The following LIN52 variants were observed in gnomAD, a reference collection of about 807,000 sequenced individuals.
LIN52 encodes protein lin-52 homolog.
A neutral mutation model predicts 18.5 loss-of-function variants in LIN52; 4 were observed. The observed-to-expected ratio is 0.22, with a 90% CI of 0.11 to 0.49. LIN52 has a LOEUF of 0.49. LIN52 is among the 20% of genes least tolerant of loss of function. The pLI, the probability that LIN52 is intolerant of heterozygous loss-of-function variation, is 0.97. For synonymous variants in LIN52, 34 were observed against 45.5 expected, an observed-to-expected ratio of 0.75 and a Z score of 1.02; for missense variants, 102 against 139.5, an observed-to-expected ratio of 0.73 and a Z score of 1.35.
chr14:74,085,040 C>T (rs774439188), intron 1 of LIN52, 47 bp downstream of exon 1: 3 of 1,344,020 alleles, frequency 2.2e-6, no homozygotes, highest in Admixed American at 5.9e-5. Context: ...CTTCTTTGCT[C>T]TACTGGGAAC....
Position 74,114,486 on chromosome 14 carries a change from G to A in LIN52, c.283+13248G>A, listed in dbSNP as rs2060951420. 5 of 911,354 alleles carry A rather than the reference G, an allele frequency of 5.5e-6. No homozygotes were observed. The South Asian group carries it at 2.5e-4, about 46-fold the overall frequency. The allele number at this position is 911,354 out of a possible 1,614,324, so 56.5% of individuals were successfully genotyped here. A position where few individuals can be genotyped will look rare whatever the true frequency, so the allele number is the denominator to read the frequency against. ...TCAGATTTGGAATTTTTAGGAGTAG[G>A]TAAATGTCTGGATGGGGATGTTACG... On this transcript the variant is annotated intron_variant, in intron 5 of 5. Coordinates refer to ENST00000555028, the MANE Select transcript of LIN52 (RefSeq NM_001024674.3).
chr14:74,130,277 G>GTTTTTTTTGTTTTTTTTTTT (rs371965343), intron 5 of LIN52, among the ~76,000 whole-genome samples: 2 of 46,426 alleles, frequency 4.3e-5, no homozygotes, highest in Non-Finnish European at 6.9e-5. Flanking sequence ...GGCATTTTTT[G>GTTTTTTTTGTTTTTTTTTTT]GTTTTTTTTT....
At chr14:74,132,586 G>T (rs970400036) in intron 5 of LIN52, among the ~76,000 whole-genome samples, 1 of 152,144 alleles carries the variant, frequency 6.6e-6, no homozygotes, top group Non-Finnish European at 1.5e-5. Context: ...TCAGCTCACT[G>T]CAACCTCCGC....
chr14:74,120,677 C>T (rs2060993813), intron 5 of LIN52, among the ~76,000 whole-genome samples: 1 of 151,776 alleles, frequency 6.6e-6, no homozygotes. Context: ...ATCGCTTGAA[C>T]CTGGGAGGCG....
At chr14:74,183,015 G>C (rs1219111287) in intron 5 of LIN52, among the ~76,000 whole-genome samples, 1 of 151,640 alleles carries the variant, frequency 6.6e-6, no homozygotes, top group Non-Finnish European at 1.5e-5. Flanking sequence ...ATTCTTGGTT[G>C]TATGTAATTT....
intron 5 of LIN52, among the ~76,000 whole-genome samples, chr14:74,193,528 G>T (rs532961931): frequency 2.6e-5 from 4 of 152,134 alleles, no homozygotes; most frequent in Admixed American, 2.6e-4. Context: ...GCTGTTACAT[G>T]TAGGGCAATA....
intron 5 of LIN52, among the ~76,000 whole-genome samples, chr14:74,163,310 C>A (rs529167949): frequency 6.6e-6 from 1 of 152,146 alleles, no homozygotes; most frequent in African/African-American, 2.4e-5. Context: ...AAACTTCTTA[C>A]CTCAAGCAAT....
In LIN52 at chr14:74,176,505, C is replaced by G. The variant is rs2061295296; in HGVS notation, c.284-22417C>G. ...ATAAACCAGTAATATTGCCATCTAT[C>G]ATTATCAAGTATGTACTATACATAA... On this transcript the variant is annotated intron_variant, in intron 5 of 5. Transcript: ENST00000555028. Among the ~76,000 whole-genome samples the G allele has an allele frequency of 2.0e-5, 3 of 152,154 alleles. No individual in the cohort carries two copies. In the South Asian group the frequency reaches 6.2e-4, roughly 32 times the overall value.
At chr14:74,100,115 TTATTA>T (rs1423672377) in intron 4 of LIN52, among the ~76,000 whole-genome samples, 1 of 152,256 alleles carries the variant, frequency 6.6e-6, no homozygotes, top group Non-Finnish European at 1.5e-5. Context: ...TGTTGCCACT[TTATTA>T]TAAGTCGAAA....
intron 5 of LIN52, among the ~76,000 whole-genome samples, chr14:74,117,449 G>A (rs544732726): frequency 2.8e-4 from 42 of 152,092 alleles, no homozygotes; most frequent in Non-Finnish European, 5.4e-4. Flanking sequence ...CTGTTTGGCT[G>A]AGAGGTGAAA....
chr14:74,176,479 C>T (rs1215316034), intron 5 of LIN52, among the ~76,000 whole-genome samples: 2 of 151,952 alleles, frequency 1.3e-5, no homozygotes, highest in Non-Finnish European at 2.9e-5. Flanking sequence ...ATAATAAATA[C>T]ATAAACCAGT....
At chr14:74,130,058 A>C (rs994230556) in intron 5 of LIN52, among the ~76,000 whole-genome samples, 1 of 151,976 alleles carries the variant, frequency 6.6e-6, no homozygotes, top group East Asian at 1.9e-4. Flanking sequence ...TCTCATGCAG[A>C]CCCACTTGCT....
At chr14:74,161,838 A>G (rs1413876974) in intron 5 of LIN52, among the ~76,000 whole-genome samples, 3 of 152,246 alleles carry the variant, frequency 2.0e-5, no homozygotes, top group Non-Finnish European at 2.9e-5. Flanking sequence ...GTCGCTGCAC[A>G]GAAGAGCCAC....
chr14:74,188,562 C>T (rs1469303904), intron 5 of LIN52, among the ~76,000 whole-genome samples: 2 of 151,730 alleles, frequency 1.3e-5, no homozygotes, highest in African/African-American at 4.8e-5. Context: ...ACCCCCGTTT[C>T]CCCCCACACT....
chr14:74,189,569 A>G (rs942372208), intron 5 of LIN52, among the ~76,000 whole-genome samples: 1 of 152,226 alleles, frequency 6.6e-6, no homozygotes. Context: ...GAAGGATGAT[A>G]AGAATACATA....
chr14:74,103,724 G>GA (rs2060876612), intron 5 of LIN52, among the ~76,000 whole-genome samples: 2 of 141,472 alleles, frequency 1.4e-5, no homozygotes, highest in Non-Finnish European at 3.0e-5. Flanking sequence ...GAGCCACCGG[G>GA]CCTGGCCAGT....
At chr14:74,095,159 T>TTGTTTG in intron 2 of LIN52, among the ~76,000 whole-genome samples, 1 of 149,152 alleles carries the variant, frequency 6.7e-6, no homozygotes, top group South Asian at 2.2e-4. Context: ...GTTTTTTTTT[T>TTGTTTG]TTTTTTTTTT....
intron 5 of LIN52, among the ~76,000 whole-genome samples, chr14:74,154,538 A>C (rs1452028021): frequency 6.6e-6 from 1 of 152,202 alleles, no homozygotes; most frequent in African/African-American, 2.4e-5. Context: ...TAGAAGTAAG[A>C]GTCTAGGTTA....
intron 5 of LIN52, among the ~76,000 whole-genome samples, chr14:74,190,891 G>A (rs1417663494): frequency 6.6e-6 from 1 of 152,176 alleles, no homozygotes; most frequent in African/African-American, 2.4e-5. Flanking sequence ...ATGGGATGAA[G>A]CTCCAAAAGA....
Sources: allele counts gnomAD v4.1 joint callset (sites outside exome capture counted in the v4.1 genomes callset), GRCh38; gene constraint gnomAD v4.1.1; transcripts MANE v1.5; gene names NCBI Gene and HGNC (gene_info 2026-07-23, HGNC 2026-07-21).